Variants in WDPCP observed in about 807,000 individuals in gnomAD.
The protein encoded by WDPCP is WD repeat containing planar cell polarity effector.
In WDPCP, 71 loss-of-function variants were observed where a neutral mutation model predicts 93.1. The ratio of observed to expected loss-of-function variants is 0.76; its 90% CI spans 0.63 to 0.93. The LOEUF (loss-of-function observed/expected upper bound fraction) is 0.93, where lower values mean the gene tolerates loss of function less well. Ranked by LOEUF, WDPCP falls within the 40% of genes least tolerant of loss-of-function variation. The pLI is 0.00. For missense variants in WDPCP, 844 were observed against 887.4 expected (o/e 0.95, Z 0.62); for synonymous variants, 315 against 315.0 (o/e 1.00, Z 0.00).
At chr2:63,275,776 G>T (rs1441897072) in intron 13 of WDPCP, among the ~76,000 whole-genome samples, 1 of 152,210 alleles carries the variant, frequency 6.6e-6, no homozygotes, top group African/African-American at 2.4e-5. Flanking sequence ...TCATGGATCA[G>T]AAGATTTAAT....
At chr2:63,234,232 C>T (rs780981479) in intron 14 of WDPCP, among the ~76,000 whole-genome samples, 22 of 152,088 alleles carry the variant, frequency 1.4e-4, no homozygotes, top group Non-Finnish European at 2.6e-4. Flanking sequence ...TGAGTTTCAT[C>T]GAAAAGAATA....
intron 2 of WDPCP, among the ~76,000 whole-genome samples, chr2:63,685,745 G>T (rs760988233): frequency 1.3e-5 from 2 of 152,140 alleles, no homozygotes; most frequent in Non-Finnish European, 2.9e-5. Flanking sequence ...ACATTAAAAA[G>T]ATCATTCATC....
At chr2:63,783,332 G>C (rs1670423326) in intron 2 of WDPCP, among the ~76,000 whole-genome samples, 1 of 152,046 alleles carries the variant, frequency 6.6e-6, no homozygotes, top group African/African-American at 2.4e-5. Flanking sequence ...AAGGTGGGAA[G>C]ATTAGTGAAC....
At chr2:63,138,809 G>A (rs1670834976) in intron 17 of WDPCP, among the ~76,000 whole-genome samples, 1 of 152,004 alleles carries the variant, frequency 6.6e-6, no homozygotes, top group African/African-American at 2.4e-5. Flanking sequence ...TCAAATATGG[G>A]TATACACTGC....
At chr2:63,487,724 A>G (rs555131079) in intron 2 of WDPCP, among the ~76,000 whole-genome samples, 2 of 152,224 alleles carry the variant, frequency 1.3e-5, no homozygotes, top group East Asian at 1.9e-4. Context: ...ACAAAACTAG[A>G]ATGGCATGAG....
intron 6 of WDPCP, chr2:63,440,426 G>A (rs1236792276): frequency 1.3e-5 from 2 of 152,186 alleles, no homozygotes; most frequent in Non-Finnish European, 2.9e-5. Flanking sequence ...TAAGTAAAAT[G>A]TTAAATTTTT....
intron 14 of WDPCP, among the ~76,000 whole-genome samples, chr2:63,256,749 A>T (rs557452106): frequency 2.1e-4 from 32 of 152,332 alleles, no homozygotes; most frequent in African/African-American, 7.7e-4. Context: ...GTTATACAGC[A>T]AGAAGAGTGG....
intron 2 of WDPCP, among the ~76,000 whole-genome samples, chr2:63,697,763 T>G (rs916976606): frequency 6.6e-6 from 1 of 151,666 alleles, no homozygotes. Flanking sequence ...TTCTCCCACC[T>G]CAGCCTCTGG....
At chr2:63,430,562 T>A (rs936208251) in intron 9 of WDPCP, among the ~76,000 whole-genome samples, 1 of 152,202 alleles carries the variant, frequency 6.6e-6, no homozygotes, top group East Asian at 1.9e-4. Context: ...ACTACATAAT[T>A]CTCTCTGTTC....
intron 1 of WDPCP, among the ~76,000 whole-genome samples, chr2:63,549,295 A>C (rs1480011649): frequency 4.6e-5 from 7 of 151,312 alleles, no homozygotes; most frequent in African/African-American, 1.7e-4. Flanking sequence ...CTAAGCATCC[A>C]TCTAAAGGAA....
At chr2:63,451,472 A>T (rs560466999) in intron 6 of WDPCP, among the ~76,000 whole-genome samples, 3 of 152,332 alleles carry the variant, frequency 2.0e-5, no homozygotes, top group Admixed American at 6.5e-5. Flanking sequence ...AACCAAAAAA[A>T]GTCCAGGACC....
intron 14 of WDPCP, among the ~76,000 whole-genome samples, chr2:63,181,078 GTTGT>G (rs1313443867): frequency 1.3e-5 from 2 of 152,060 alleles, no homozygotes; most frequent in Non-Finnish European, 2.9e-5. Flanking sequence ...TTGTTGTTGA[GTTGT>G]TTGAGTTCCT....
intron 15 of WDPCP, among the ~76,000 whole-genome samples, chr2:63,154,400 A>G (rs1367219660): frequency 6.6e-6 from 1 of 152,144 alleles, no homozygotes; most frequent in African/African-American, 2.4e-5. Flanking sequence ...TTGGAATTAT[A>G]CCATATAAAC....
chr2:63,212,175 C>T (rs541285431), intron 14 of WDPCP, among the ~76,000 whole-genome samples: 59 of 152,108 alleles, frequency 3.9e-4, no homozygotes, highest in South Asian at 3.5e-3. Flanking sequence ...TCAGATTCAC[C>T]GAAGTTGAAA....
chr2:63,277,570 G>A (rs1683183821), intron 13 of WDPCP, among the ~76,000 whole-genome samples: 1 of 152,182 alleles, frequency 6.6e-6, no homozygotes, highest in South Asian at 2.1e-4. Context: ...GATATTCCAT[G>A]CAAATGGACA....
intron 12 of WDPCP, among the ~76,000 whole-genome samples, chr2:63,367,211 T>A (rs191553347): frequency 1.3e-5 from 2 of 152,028 alleles, no homozygotes; most frequent in East Asian, 1.9e-4. Context: ...TATAATTACT[T>A]AAAGACCAAT....
chr2:63,221,548 T>C (rs536053979), intron 14 of WDPCP, among the ~76,000 whole-genome samples: 2 of 152,176 alleles, frequency 1.3e-5, no homozygotes, highest in Non-Finnish European at 2.9e-5. Context: ...TTCCTAAAGG[T>C]ATTTAGAAGA....
chr2:63,767,965 A>C (rs941781410), intron 2 of WDPCP, among the ~76,000 whole-genome samples: 3 of 152,030 alleles, frequency 2.0e-5, no homozygotes, highest in Admixed American at 6.6e-5. Context: ...TTATAGTTTT[A>C]GTTAAGTTGA....
intron 2 of WDPCP, among the ~76,000 whole-genome samples, chr2:63,751,129 T>C (rs1669873430): frequency 6.6e-6 from 1 of 152,198 alleles, no homozygotes; most frequent in Non-Finnish European, 1.5e-5. Context: ...ATAAATTTAA[T>C]TTTAAAAATG....
Sources: allele counts gnomAD v4.1 joint callset (sites outside exome capture counted in the v4.1 genomes callset), GRCh38; gene constraint gnomAD v4.1.1; transcripts MANE v1.5; gene names NCBI Gene and HGNC (gene_info 2026-07-23, HGNC 2026-07-21).